The following LRRTM4 variants were observed in gnomAD, a reference collection of about 807,000 sequenced individuals.
LRRTM4 encodes leucine rich repeat transmembrane neuronal 4.
Under a neutral mutation model 47.6 loss-of-function variants are expected in LRRTM4, and 25 were observed. The observed-to-expected ratio is 0.53, with a 90% CI of 0.38 to 0.73. The LOEUF is 0.73. LRRTM4 is among the 30% of genes least tolerant of loss of function. The probability of loss-of-function intolerance (pLI) is 0.00; values close to 1 mark genes in which losing one functional copy is unlikely to be tolerated. For missense variants in LRRTM4, 638 were observed against 713.4 expected, an observed-to-expected ratio of 0.89 and a Z score of 1.20; for synonymous variants, 311 against 269.5, an observed-to-expected ratio of 1.15 and a Z score of -1.51.
chr2:77,157,705 T>C (rs1027663288), intron 3 of LRRTM4, among the ~76,000 whole-genome samples: 4 of 152,150 alleles, frequency 2.6e-5, no homozygotes, highest in Non-Finnish European at 5.9e-5. Flanking sequence ...TTCTTTTCAT[T>C]ATTAAGATAT....
chr2:76,771,654 AAAAG>A (rs535086199), intron 3 of LRRTM4, among the ~76,000 whole-genome samples: 19,589 of 118,054 alleles, frequency 0.17, 1,179 homozygotes, highest in East Asian at 0.21. Context: ...AAAAAAAAAA[AAAAG>A]AAAAAGAAAA....
chr2:76,909,045 A>T (rs1673953971), intron 3 of LRRTM4, among the ~76,000 whole-genome samples: 1 of 152,130 alleles, frequency 6.6e-6, no homozygotes. Flanking sequence ...AGTCAATCCT[A>T]AGCCAAAAGA....
intron 3 of LRRTM4, among the ~76,000 whole-genome samples, chr2:77,120,316 A>G (rs1188421883): frequency 6.6e-6 from 1 of 151,846 alleles, no homozygotes; most frequent in Non-Finnish European, 1.5e-5. Flanking sequence ...ATGACTTTGT[A>G]AATGATTTAG....
At chr2:77,496,437 T>C (rs1352733260) in intron 3 of LRRTM4, among the ~76,000 whole-genome samples, 1 of 151,876 alleles carries the variant, frequency 6.6e-6, no homozygotes, top group Non-Finnish European at 1.5e-5. Context: ...TTGTCTTCAT[T>C]GTGTATGATG....
At chr2:76,774,272 A>G (rs533110867) in intron 3 of LRRTM4, among the ~76,000 whole-genome samples, 1 of 151,930 alleles carries the variant, frequency 6.6e-6, no homozygotes, top group East Asian at 1.9e-4. Flanking sequence ...GCAACTTCCA[A>G]CTTCTGACTC....
intron 3 of LRRTM4, among the ~76,000 whole-genome samples, chr2:77,480,722 T>C (rs1197341477): frequency 1.3e-5 from 2 of 150,754 alleles, no homozygotes; most frequent in African/African-American, 2.4e-5. Flanking sequence ...TTATGAGTCA[T>C]GCAGCATCAC....
intron 3 of LRRTM4, among the ~76,000 whole-genome samples, chr2:77,049,123 TA>T (rs1679334951): frequency 9.8e-5 from 4 of 40,708 alleles, no homozygotes; most frequent in Non-Finnish European, 1.6e-4. Flanking sequence ...TTTCATTTTT[TA>T]TATATATATA....
In LRRTM4 at chr2:77,509,231, CAAA is replaced by C. The variant is rs3085637; in HGVS notation, c.1551+9084_1551+9086del. ...TGGGCAACAGAGTGAGACTCTGTAT[CAAA>C]AAAAAAAAAAAAGCCAAAAACAAAC... On this transcript the variant is annotated intron_variant, in intron 3 of 3. Transcript: ENST00000409884. 8.1e-3 allele frequency among the ~76,000 whole-genome samples: 1,120 copies of C among 138,214 alleles called. 10 individuals are homozygous for C. The highest frequency in any genetic ancestry group is 0.013 in the Non-Finnish European group (874 of 65,186). 90.7% of individuals were successfully genotyped at this position (138,214 alleles called of 152,430 possible). A position where few individuals can be genotyped will look rare whatever the true frequency, so the allele number is the denominator to read the frequency against.
chr2:77,004,041 A>C (rs910076907), intron 3 of LRRTM4, among the ~76,000 whole-genome samples: 2 of 152,178 alleles, frequency 1.3e-5, no homozygotes, highest in Non-Finnish European at 2.9e-5. Flanking sequence ...GAAATAATTT[A>C]GGGTATCCAT....
At chr2:76,964,051 T>C (rs1426064434) in intron 3 of LRRTM4, among the ~76,000 whole-genome samples, 1 of 150,912 alleles carries the variant, frequency 6.6e-6, no homozygotes, top group Non-Finnish European at 1.5e-5. Flanking sequence ...CAAATAACTT[T>C]CAGTGATAGA....
intron 3 of LRRTM4, among the ~76,000 whole-genome samples, chr2:77,241,081 G>A (rs1255437405): frequency 6.6e-6 from 1 of 151,656 alleles, no homozygotes; most frequent in African/African-American, 2.4e-5. Flanking sequence ...AAAAAAGAAG[G>A]AACTAGAAAA....
At chr2:76,766,190 T>A (rs958904709) in intron 3 of LRRTM4, among the ~76,000 whole-genome samples, 2 of 152,180 alleles carry the variant, frequency 1.3e-5, no homozygotes, top group Non-Finnish European at 2.9e-5. Context: ...AGTACAGATC[T>A]TTATAACATT....
At chr2:77,040,579 T>C (rs929748461) in intron 3 of LRRTM4, among the ~76,000 whole-genome samples, 9 of 151,380 alleles carry the variant, frequency 5.9e-5, no homozygotes, top group African/African-American at 2.2e-4. Context: ...CTGTGGAGCC[T>C]TTGCATATGG....
intron 3 of LRRTM4, among the ~76,000 whole-genome samples, chr2:77,104,190 A>C (rs55855347): frequency 0.39 from 59,757 of 151,916 alleles, 13,512 homozygotes; most frequent in East Asian, 0.68. Context: ...ATCAGCCCAC[A>C]CTGCCTACCT....
In LRRTM4 at chr2:77,171,580, T is replaced by C. The variant is rs1308824758; in HGVS notation, c.1551+346738A>G. 2.0e-5 allele frequency among the ~76,000 whole-genome samples: 3 copies of C among 152,022 alleles called. 1 individual carries two copies. Among genetic ancestry groups the C allele is most frequent in the Non-Finnish European group, 2.9e-5 (2 of 67,994 alleles). ...GTGTGAGTCACGGCGACTGGCCTGG[T>C]TTATGTTTTTAAGAGCTTAAGTATG... On this transcript the variant is annotated intron_variant, in intron 3 of 3. Coordinates refer to ENST00000409884, the MANE Select transcript of LRRTM4 (RefSeq NM_001134745.3).
intron 3 of LRRTM4, among the ~76,000 whole-genome samples, chr2:77,509,036 A>T (rs2104098181): frequency 6.6e-6 from 1 of 152,204 alleles, no homozygotes; most frequent in Non-Finnish European, 1.5e-5. Flanking sequence ...GTTCAAGACC[A>T]GCCTGGCCAA....
At chr2:77,445,220 C>T (rs1676005992) in intron 3 of LRRTM4, among the ~76,000 whole-genome samples, 1 of 152,012 alleles carries the variant, frequency 6.6e-6, no homozygotes, top group East Asian at 1.9e-4. Flanking sequence ...CTCTTTGTGC[C>T]TTGGTTTCAT....
chr2:76,773,007 A>G (rs146373225), intron 3 of LRRTM4: 2 of 152,256 alleles, frequency 1.3e-5, no homozygotes, highest in Non-Finnish European at 2.9e-5. Context: ...GTCTGGTACT[A>G]TCTATGGTTT....
At chr2:76,804,203 C>T (rs1675847122) in intron 3 of LRRTM4, among the ~76,000 whole-genome samples, 1 of 152,172 alleles carries the variant, frequency 6.6e-6, no homozygotes, top group African/African-American at 2.4e-5. Flanking sequence ...ACCCCTGACA[C>T]AGAGTGATAA....
Sources: allele counts gnomAD v4.1 joint callset (sites outside exome capture counted in the v4.1 genomes callset), GRCh38; gene constraint gnomAD v4.1.1; transcripts MANE v1.5; gene names NCBI Gene and HGNC (gene_info 2026-07-23, HGNC 2026-07-21).